PPARGC1A: variants seen among roughly 807,000 people sequenced by gnomAD.
PPARGC1A encodes PPARG coactivator 1 alpha, also known as peroxisome proliferator-activated receptor gamma coactivator 1-alpha.
A neutral mutation model predicts 88.7 loss-of-function variants in PPARGC1A; 25 were observed. That is an observed-to-expected ratio of 0.28 (90% CI 0.21 to 0.39). The LOEUF is 0.39. PPARGC1A is among the 10% of genes least tolerant of loss of function. The pLI, the probability that PPARGC1A is intolerant of heterozygous loss-of-function variation, is 1.00. For synonymous variants in PPARGC1A, 363 were observed against 355.6 expected, an observed-to-expected ratio of 1.02 and a Z score of -0.24; for missense variants, 880 against 968.7, an observed-to-expected ratio of 0.91 and a Z score of 1.22.
the PPARGC1A span, among the ~76,000 whole-genome samples, chr4:24,233,799 A>T: frequency 2.6e-5 from 4 of 152,172 alleles, no homozygotes; most frequent in African/African-American, 9.6e-5. Context: ...AAAGACCAAA[A>T]AGTTAAAGCG....
chr4:24,208,684 T>A, the PPARGC1A span, among the ~76,000 whole-genome samples: 87,531 of 122,034 alleles, frequency 0.72, 28,114 homozygotes, highest in Admixed American at 0.75. Context: ...AGAAAAAAAA[T>A]ATATATATAT....
the PPARGC1A span, among the ~76,000 whole-genome samples, chr4:24,296,030 GTA>G: frequency 4.4e-5 from 5 of 113,446 alleles, no homozygotes; most frequent in Non-Finnish European, 7.6e-5. Flanking sequence ...GTATATGTGT[GTA>G]TATATGTGTA....
chr4:23,998,126 A>G, the PPARGC1A span, among the ~76,000 whole-genome samples: 1 of 152,216 alleles, frequency 6.6e-6, no homozygotes, highest in Admixed American at 6.5e-5. Flanking sequence ...GGTGGACAGA[A>G]AACTGAGGAC....
At chr4:24,273,323 G>A in the PPARGC1A span, among the ~76,000 whole-genome samples, 6 of 152,154 alleles carry the variant, frequency 3.9e-5, no homozygotes, top group East Asian at 1.9e-4. Flanking sequence ...GTTATAAGGC[G>A]AGGCATATGA....
chr4:24,133,795 A>T, the PPARGC1A span, among the ~76,000 whole-genome samples: 1 of 152,224 alleles, frequency 6.6e-6, no homozygotes, highest in Non-Finnish European at 1.5e-5. Flanking sequence ...AGGGTGGCTT[A>T]ACCCATTTTG....
At chr4:24,135,928 T>C in the PPARGC1A span, among the ~76,000 whole-genome samples, 225 of 152,268 alleles carry the variant, frequency 1.5e-3, no homozygotes, top group Admixed American at 2.3e-3. Flanking sequence ...CTTCTCAAAC[T>C]TACCTGGCCC....
chr4:24,112,328 G>A, the PPARGC1A span, among the ~76,000 whole-genome samples: 107 of 152,272 alleles, frequency 7.0e-4, no homozygotes, highest in East Asian at 0.02. Context: ...TGTGGACCCA[G>A]ACTTTCTACA....
At chr4:24,230,397 A>G in the PPARGC1A span, among the ~76,000 whole-genome samples, 3 of 152,182 alleles carry the variant, frequency 2.0e-5, no homozygotes, top group South Asian at 2.1e-4. Flanking sequence ...CGGGTTGTAC[A>G]GGAGTCAGTT....
chr4:24,204,850 G>T, the PPARGC1A span, among the ~76,000 whole-genome samples: 6 of 152,008 alleles, frequency 3.9e-5, no homozygotes, highest in Admixed American at 1.3e-4. Context: ...TTGAGACGGG[G>T]TCTCACTCTG....
At chr4:24,168,044 C>G in the PPARGC1A span, among the ~76,000 whole-genome samples, 1 of 152,144 alleles carries the variant, frequency 6.6e-6, no homozygotes, top group African/African-American at 2.4e-5. Context: ...CATGAGCCAC[C>G]ACACTCAGCC....
chr4:23,938,737 A>G, the PPARGC1A span, among the ~76,000 whole-genome samples: 1 of 152,204 alleles, frequency 6.6e-6, no homozygotes, highest in African/African-American at 2.4e-5. Context: ...GAGCATGAAA[A>G]TTAGAAACAG....
the PPARGC1A span, among the ~76,000 whole-genome samples, chr4:24,079,129 T>C: frequency 1.2e-3 from 190 of 152,212 alleles, no homozygotes; most frequent in Non-Finnish European, 2.1e-3. Flanking sequence ...GTCTTGTCTC[T>C]AATAATTTCC....
chr4:24,317,925 G>C, the PPARGC1A span, among the ~76,000 whole-genome samples: 3 of 152,204 alleles, frequency 2.0e-5, no homozygotes, highest in Non-Finnish European at 4.4e-5. Context: ...AGGCTGTTGA[G>C]AAGGTCTCTC....
the PPARGC1A span, among the ~76,000 whole-genome samples, chr4:24,362,846 T>C: frequency 6.6e-6 from 1 of 152,226 alleles, no homozygotes; most frequent in African/African-American, 2.4e-5. Context: ...CTTCCTTTCA[T>C]GAGACAGGAG....
the PPARGC1A span, among the ~76,000 whole-genome samples, chr4:24,079,925 T>C: frequency 6.6e-6 from 1 of 152,058 alleles, no homozygotes; most frequent in African/African-American, 2.4e-5. Context: ...TACTCCAGAA[T>C]ATCCTGTTTT....
the PPARGC1A span, among the ~76,000 whole-genome samples, chr4:24,421,354 A>G: frequency 1.4e-5 from 2 of 147,592 alleles, no homozygotes; most frequent in Admixed American, 6.9e-5. Context: ...TCTGTCGCCC[A>G]GGCTGGAGTG....
At chr4:24,366,602 T>C in the PPARGC1A span, among the ~76,000 whole-genome samples, 42 of 152,302 alleles carry the variant, frequency 2.8e-4, no homozygotes, top group African/African-American at 9.9e-4. Flanking sequence ...ATTAAACTAG[T>C]AGCATAAAAT....
the PPARGC1A span, among the ~76,000 whole-genome samples, chr4:24,238,796 T>TGTG: frequency 7.2e-6 from 1 of 138,666 alleles, no homozygotes; most frequent in South Asian, 2.3e-4. Flanking sequence ...TGTGTGTGTG[T>TGTG]AGGCATGTAC....
chr4:24,016,438 C>T, the PPARGC1A span, among the ~76,000 whole-genome samples: 1 of 152,154 alleles, frequency 6.6e-6, no homozygotes, highest in Admixed American at 6.5e-5. Context: ...TATAAACATA[C>T]ATGAAAATGT....
Sources: allele counts gnomAD v4.1 joint callset (sites outside exome capture counted in the v4.1 genomes callset), GRCh38; gene constraint gnomAD v4.1.1; transcripts MANE v1.5; gene names NCBI Gene and HGNC (gene_info 2026-07-23, HGNC 2026-07-21).